Variants in NBEA observed in about 807,000 individuals in gnomAD.
The protein encoded by NBEA is lysosomal-trafficking regulator 2.
NBEA carries 44 observed loss-of-function variants against 343.4 expected under a neutral mutation model. That is an observed-to-expected ratio of 0.13 (90% CI 0.10 to 0.16). NBEA has a LOEUF of 0.16. NBEA is among the 10% of genes least tolerant of loss of function. The probability of loss-of-function intolerance (pLI) is 1.00; values close to 1 mark genes in which losing one functional copy is unlikely to be tolerated. For missense variants in NBEA, 2,555 were observed against 3,631.3 expected, an observed-to-expected ratio of 0.70 and a Z score of 7.62; for synonymous variants, 1,175 against 1,238.7, an observed-to-expected ratio of 0.95 and a Z score of 1.08.
At chr13:35,145,743 G>A (rs2068378556) in intron 18 of NBEA, among the ~76,000 whole-genome samples, 2 of 152,182 alleles carry the variant, frequency 1.3e-5, no homozygotes, top group Admixed American at 6.5e-5. Flanking sequence ...ACCAATTGGT[G>A]TCTTCTGATA....
intron 46 of NBEA, among the ~76,000 whole-genome samples, chr13:35,592,380 C>T (rs1451711739): frequency 6.6e-6 from 1 of 152,044 alleles, no homozygotes; most frequent in Non-Finnish European, 1.5e-5. Context: ...AGATACGGAA[C>T]CTACTCATAG....
intron 41 of NBEA, among the ~76,000 whole-genome samples, chr13:35,479,156 A>ATTCAC (rs2076015748): frequency 2.0e-5 from 3 of 152,230 alleles, no homozygotes; most frequent in Non-Finnish European, 4.4e-5. Context: ...TGTTCAGGAA[A>ATTCAC]GTGAAGTCAT....
At chr13:35,088,491 G>C (rs1010222871) in intron 10 of NBEA, among the ~76,000 whole-genome samples, 2 of 151,818 alleles carry the variant, frequency 1.3e-5, no homozygotes, top group Non-Finnish European at 2.9e-5. Context: ...ATCCCAGATA[G>C]CTTCTATTTA....
intron 10 of NBEA, among the ~76,000 whole-genome samples, chr13:35,088,774 T>C (rs2064908875): frequency 6.6e-6 from 1 of 150,656 alleles, no homozygotes; most frequent in Admixed American, 6.6e-5. Context: ...AACTATCTGA[T>C]CTTTGACAAA....
At chr13:35,041,251 T>G in intron 2 of NBEA, 87 bp downstream of exon 2, 1 of 1,043,066 alleles carries the variant, frequency 9.6e-7, no homozygotes, top group Non-Finnish European at 1.4e-6. Context: ...TAATGTAGAT[T>G]TGTTGACATT....
intron 38 of NBEA, among the ~76,000 whole-genome samples, chr13:35,418,804 A>G (rs1220398316): frequency 6.6e-6 from 1 of 152,028 alleles, no homozygotes; most frequent in Non-Finnish European, 1.5e-5. Context: ...TAAGGAGAGT[A>G]TTATTTGTAT....
intron 49 of NBEA, among the ~76,000 whole-genome samples, chr13:35,644,249 T>C (rs1315570791): frequency 6.6e-6 from 1 of 152,202 alleles, no homozygotes; most frequent in Non-Finnish European, 1.5e-5. Context: ...AAGGATAAAG[T>C]TAGTCACAAT....
chr13:35,626,788 C>T (rs1224444462), intron 48 of NBEA, among the ~76,000 whole-genome samples: 10 of 150,832 alleles, frequency 6.6e-5, no homozygotes. Flanking sequence ...AGACTCATTT[C>T]CTGTGTTCTA....
At chr13:35,144,217 G>T (rs1448527926) in intron 18 of NBEA, among the ~76,000 whole-genome samples, 1 of 152,160 alleles carries the variant, frequency 6.6e-6, no homozygotes, top group East Asian at 1.9e-4. Context: ...TTGCATGCAA[G>T]GGTTTTTGGG....
At chr13:35,387,044 T>C (rs897134322) in intron 38 of NBEA, among the ~76,000 whole-genome samples, 12 of 152,128 alleles carry the variant, frequency 7.9e-5, no homozygotes, top group Admixed American at 6.5e-4. Flanking sequence ...TTTTCTGATA[T>C]ATTAGATTGG....
chr13:35,216,459 A>G (rs1176502094), intron 33 of NBEA, among the ~76,000 whole-genome samples: 2 of 151,970 alleles, frequency 1.3e-5, no homozygotes, highest in Admixed American at 1.3e-4. Flanking sequence ...CTTATCCTTT[A>G]CAGATGTTTC....
intron 41 of NBEA, among the ~76,000 whole-genome samples, chr13:35,479,623 A>G (rs750352472): frequency 1.3e-5 from 2 of 152,166 alleles, no homozygotes; most frequent in African/African-American, 2.4e-5. Context: ...TGAATTTTAA[A>G]AAAATATCAT....
In NBEA at chr13:35,537,295, T is replaced by C. The variant is rs56161099; in HGVS notation, c.6586-13182T>C. 2.7e-3 allele frequency among the ~76,000 whole-genome samples: 406 copies of C among 152,140 alleles called. 3 individuals carry two copies. The highest frequency in any genetic ancestry group is 9.2e-3 in the African/African-American group (384 of 41,524). Reference sequence around the variant, plus strand: ...AGAGAATAACTATATATAGACCCTGTATATATACAGGGTCTCCTAGCTTAA... The same window carrying C: ...AGAGAATAACTATATATAGACCCTGCATATATACAGGGTCTCCTAGCTTAA... On this transcript the variant is annotated intron_variant, in intron 41 of 58. Transcript: ENST00000379939.
At chr13:34,989,262 A>C (rs1231250094) in intron 1 of NBEA, among the ~76,000 whole-genome samples, 1 of 151,042 alleles carries the variant, frequency 6.6e-6, no homozygotes, top group Non-Finnish European at 1.5e-5. Context: ...ATATCTACAC[A>C]TATATACCCA....
rs181977360 is a variant in NBEA at position 35,580,347 on chromosome 13, A to G, written c.7036-3551A>G. ...GACACTATTTATTGATGTAGTAACT[A>G]TAATGAAAATTGAAAAATATTGCAA... is the stretch of plus-strand genomic sequence containing the variant. On this transcript the variant is annotated intron_variant, in intron 45 of 58. Coordinates refer to ENST00000379939, the MANE Select transcript of NBEA (RefSeq NM_001385012.1). Among the ~76,000 whole-genome samples the G allele has an allele frequency of 2.4e-4, 37 of 152,310 alleles. 1 individual carries two copies. Among genetic ancestry groups the G allele is most frequent in the Admixed American group, 2.3e-3 (35 of 15,298 alleles).
chr13:35,127,906 TA>T (rs962894736), intron 17 of NBEA, among the ~76,000 whole-genome samples: 8 of 149,402 alleles, frequency 5.4e-5, no homozygotes, highest in South Asian at 2.1e-4. Flanking sequence ...TTACTGTCAT[TA>T]AAAAAAAATG....
At chr13:35,495,970 G>A (rs2076661413) in intron 41 of NBEA, among the ~76,000 whole-genome samples, 1 of 151,938 alleles carries the variant, frequency 6.6e-6, no homozygotes, top group South Asian at 2.1e-4. Flanking sequence ...GGTAGAGATG[G>A]GGATGAAGTA....
chr13:35,624,379 A>G (rs2083131541), intron 48 of NBEA, among the ~76,000 whole-genome samples: 1 of 152,138 alleles, frequency 6.6e-6, no homozygotes. Context: ...CTAAGATAAA[A>G]CTTTTATGGA....
intron 10 of NBEA, among the ~76,000 whole-genome samples, chr13:35,078,786 G>A (rs2064235417): frequency 6.6e-6 from 1 of 152,132 alleles, no homozygotes; most frequent in South Asian, 2.1e-4. Context: ...AACTTTGAGA[G>A]GCCCAGGCGG....
Sources: allele counts gnomAD v4.1 joint callset (sites outside exome capture counted in the v4.1 genomes callset), GRCh38; gene constraint gnomAD v4.1.1; transcripts MANE v1.5; gene names NCBI Gene and HGNC (gene_info 2026-07-23, HGNC 2026-07-21).